OTOGL: variants seen among roughly 807,000 people sequenced by gnomAD.
OTOGL encodes the protein otogelin-like protein.
Under a neutral mutation model 318.5 loss-of-function variants are expected in OTOGL, and 285 were observed. The ratio of observed to expected loss-of-function variants is 0.89; its 90% CI spans 0.81 to 0.99. The LOEUF (loss-of-function observed/expected upper bound fraction) is 0.99. Among genes scored for constraint, OTOGL ranks in the 50% least tolerant of loss-of-function variants. The pLI, the probability that OTOGL is intolerant of heterozygous loss-of-function variation, is 0.00. For synonymous variants in OTOGL, 987 were observed against 936.5 expected, an observed-to-expected ratio of 1.05 and a Z score of -0.99; for missense variants, 2,899 against 2,845.6, an observed-to-expected ratio of 1.02 and a Z score of -0.43.
rs150282443 is a variant in OTOGL, at chr12:80,186,836, T to A, written c.-19-22577T>A. ...ATTCAAAACCCATGGAGTGCTGCCC[T>A]CTTTTGGCTAAGATAGCACAGAGTC... On this transcript the variant is annotated intron_variant, in intron 1 of 58. Transcript: ENST00000547103. Among the ~76,000 whole-genome samples the A allele has an allele frequency of 8.5e-4, 130 of 152,192 alleles. 2 individuals are homozygous for A. The East Asian group carries it at 0.021, about 24-fold the overall frequency.
Position 80,239,395 on chromosome 12 carries a change from C to T in OTOGL, c.1008C>T (p.Ile336=), listed in dbSNP as rs958749652. Residue 336 remains isoleucine (I), a synonymous_variant, in exon 11 of 59, where the codon ATC becomes ATT. Coordinates refer to ENST00000547103, the MANE Select transcript of OTOGL (RefSeq NM_001378609.3). The stretch of plus-strand genomic sequence containing the variant: ...CTTTTCTGAGCTGCCATGAGTATAT[C>T]GATCCATACTTATATATTGCCAGCT... ...QFPFLSCHEY[I]DPYLYIASCV... is the part of the protein sequence containing the mutation. 47 of 1,609,316 alleles carry T rather than the reference C, an allele frequency of 2.9e-5. No homozygotes were observed. In the South Asian group the frequency reaches 3.1e-4, roughly 11 times the overall value.
At chr12:80,362,891 T>C (rs1037393325) in intron 52 of OTOGL, among the ~76,000 whole-genome samples, 5 of 152,254 alleles carry the variant, frequency 3.3e-5, no homozygotes, top group Admixed American at 1.3e-4. Context: ...CCTAGAGAAA[T>C]AGCTAACTGA....
intron 1 of OTOGL, among the ~76,000 whole-genome samples, chr12:80,128,740 C>T (rs1327302431): frequency 1.2e-4 from 18 of 152,294 alleles, no homozygotes; most frequent in South Asian, 1.0e-3. Context: ...TTGGCAATGT[C>T]GGGCACCCGT....
intron 4 of OTOGL, among the ~76,000 whole-genome samples, chr12:80,216,854 G>T (rs140084387): frequency 2.0e-5 from 3 of 152,036 alleles, no homozygotes; most frequent in Non-Finnish European, 2.9e-5. Context: ...GCTAAATGAC[G>T]AGTTAATGGG....
intron 56 of OTOGL, 58 bp from the exon 57 acceptor site, chr12:80,371,961 C>A (rs1037336): frequency 5.2e-6 from 6 of 1,146,530 alleles, no homozygotes; most frequent in Admixed American, 2.7e-5. Flanking sequence ...TTTTCTAGTA[C>A]AAGAGAACAT....
intron 1 of OTOGL, among the ~76,000 whole-genome samples, chr12:80,193,741 G>A (rs562963825): frequency 5.3e-5 from 8 of 152,324 alleles, no homozygotes; most frequent in African/African-American, 1.4e-4. Context: ...AAAGATGTGA[G>A]TATAACTGAG....
Position 80,359,682 on chromosome 12 carries a change from T to C in OTOGL, c.6267+782T>C, listed in dbSNP as rs188270137. On this transcript the variant is annotated intron_variant, in intron 52 of 58. Transcript: ENST00000547103. ...CACTGTTTTATTTAAAAAGCATTAA[T>C]CCAACATTTGCTTTAATGATGCTTT... Among the ~76,000 whole-genome samples, 1,197 of 152,324 alleles carry C rather than the reference T, an allele frequency of 7.9e-3. 8 individuals are homozygous for C. The highest frequency in any genetic ancestry group is 0.027 in the Middle Eastern group (8 of 294).
chr12:80,368,334 C>A, intron 55 of OTOGL, 25 bp downstream of exon 55: 1 of 1,517,032 alleles, frequency 6.6e-7, no homozygotes, highest in Non-Finnish European at 9.0e-7. Flanking sequence ...GAGTAATGCT[C>A]TGTGCTATTT....
chr12:80,242,188 T>C (rs1880440801), intron 11 of OTOGL, among the ~76,000 whole-genome samples: 1 of 152,190 alleles, frequency 6.6e-6, no homozygotes, highest in Non-Finnish European at 1.5e-5. Flanking sequence ...TGAAATTTCA[T>C]CATTGAGAAA....
At chr12:80,209,551 T>G in intron 2 of OTOGL, 41 bp downstream of exon 2, 1 of 1,324,100 alleles carries the variant, frequency 7.6e-7, no homozygotes, top group Non-Finnish European at 1.0e-6. Flanking sequence ...TTTATTGTAT[T>G]TTTGTTTCTC....
chr12:80,111,631 T>C (rs1369074781), intron 1 of OTOGL, among the ~76,000 whole-genome samples: 3 of 152,238 alleles, frequency 2.0e-5, no homozygotes, highest in Non-Finnish European at 2.9e-5. Context: ...ATCAGTACTA[T>C]GCTGTTTTGG....
chr12:80,123,558 T>A (rs1246600342), intron 1 of OTOGL, among the ~76,000 whole-genome samples: 2 of 152,200 alleles, frequency 1.3e-5, no homozygotes, highest in Non-Finnish European at 2.9e-5. Flanking sequence ...CAGTCAGTAA[T>A]GGCATGGCTG....
Position 80,375,926 on chromosome 12 carries a change from A to G in OTOGL, c.6782-1197A>G, listed in dbSNP as rs140435539. Among the ~76,000 whole-genome samples the G allele has an allele frequency of 9.9e-3, 1,500 of 152,188 alleles. 20 individuals are homozygous for G. The highest frequency in any genetic ancestry group is 0.034 in the African/African-American group (1,394 of 41,546). ...GTTAGTGAAAAGAGATAGAACCAGCATAGGAGACTGAGGAGGAGCCATGAG... is the reference window on the plus strand; with the variant it reads ...GTTAGTGAAAAGAGATAGAACCAGCGTAGGAGACTGAGGAGGAGCCATGAG... On this transcript the variant is annotated intron_variant, in intron 57 of 58. Coordinates refer to ENST00000547103, the MANE Select transcript of OTOGL (RefSeq NM_001378609.3).
At chr12:80,140,821 T>C (rs887355655) in intron 1 of OTOGL, among the ~76,000 whole-genome samples, 2 of 152,188 alleles carry the variant, frequency 1.3e-5, no homozygotes, top group Admixed American at 6.6e-5. Flanking sequence ...TGTGAATTTC[T>C]GACTAAGAGA....
chr12:80,181,239 C>T (rs922885372), intron 1 of OTOGL, among the ~76,000 whole-genome samples: 1 of 151,998 alleles, frequency 6.6e-6, no homozygotes, highest in African/African-American at 2.4e-5. Context: ...TTTGGGGCTT[C>T]AATTTCCAAT....
In OTOGL at chr12:80,353,467, T is replaced by C; in HGVS notation, c.5550T>C (p.Leu1850=). Residue 1850 remains leucine, a synonymous_variant, in exon 46 of 59, where the codon CTT becomes CTC. Transcript: ENST00000547103. The part of the protein sequence containing the change: ...EDCVCKVGTI[L]HRPHSAQCIP... Reference sequence around the variant, plus strand: ...GTGTGTGCAAAGTTGGAACTATTCTTCACAGGCCACATTCAGCCCAGTGCA... The same window carrying C: ...GTGTGTGCAAAGTTGGAACTATTCTCCACAGGCCACATTCAGCCCAGTGCA... 6.2e-7 allele frequency: 1 copy of C among 1,600,676 alleles called. No homozygotes were observed. Among genetic ancestry groups the C allele is most frequent in the Non-Finnish European group, 8.5e-7 (1 of 1,173,106 alleles).
rs1378871666 is a variant in OTOGL at position 80,271,661 on chromosome 12, A to C, written c.2532A>C (p.Pro844=). Residue 844 remains proline (P), a synonymous_variant, in exon 24 of 59, where the codon CCA becomes CCC. Coordinates refer to ENST00000547103, the MANE Select transcript of OTOGL (RefSeq NM_001378609.3). ...LATPSAVHIC[P]EGKEYFDCRF... ...TTATATCTGAAGTTCACATCTGCCC[A>C]GAGGGAAAAGAGTATTTCGACTGCA... 3 of 1,612,738 alleles carry C rather than the reference A, an allele frequency of 1.9e-6. No individual in the cohort carries two copies. In the East Asian group the frequency reaches 6.7e-5, roughly 36 times the overall value.
intron 1 of OTOGL, among the ~76,000 whole-genome samples, chr12:80,158,350 T>C (rs1053686638): frequency 1.3e-5 from 2 of 152,128 alleles, no homozygotes; most frequent in Non-Finnish European, 2.9e-5. Flanking sequence ...ATGTCATAAA[T>C]GAAATGTGTG....
At chr12:80,179,556 G>A (rs1034488491) in intron 1 of OTOGL, among the ~76,000 whole-genome samples, 2 of 152,158 alleles carry the variant, frequency 1.3e-5, no homozygotes, top group African/African-American at 2.4e-5. Flanking sequence ...GCTTTAGTAT[G>A]TGCAGAGACA....
Sources: allele counts gnomAD v4.1 joint callset (sites outside exome capture counted in the v4.1 genomes callset), GRCh38; gene constraint gnomAD v4.1.1; transcripts MANE v1.5; gene names NCBI Gene and HGNC (gene_info 2026-07-23, HGNC 2026-07-21).